Variants in TSC22D1 observed in about 807,000 individuals in gnomAD.
TSC22D1 encodes TSC22 domain family protein 1.
In TSC22D1, 9 loss-of-function variants were observed where a neutral mutation model predicts 74.2. That is an observed-to-expected ratio of 0.12 (90% CI 0.07 to 0.21). The LOEUF is 0.21. Ranked by LOEUF, TSC22D1 falls within the 10% of genes least tolerant of loss-of-function variation. TSC22D1 has a pLI of 1.00. For synonymous variants in TSC22D1, 586 were observed against 492.5 expected (o/e 1.19, Z -2.51); for missense variants, 1,427 against 1,304.7 (o/e 1.09, Z -1.44).
At chr13:44,506,887 T>C (rs1475755140) in intron 1 of TSC22D1, among the ~76,000 whole-genome samples, 1 of 152,116 alleles carries the variant, frequency 6.6e-6, no homozygotes, top group Admixed American at 6.5e-5. Flanking sequence ...GAATCTGAGA[T>C]TTCACAATGG....
intron 1 of TSC22D1, among the ~76,000 whole-genome samples, chr13:44,544,954 A>G (rs1270667365): frequency 6.6e-6 from 1 of 152,208 alleles, no homozygotes; most frequent in African/African-American, 2.4e-5. Context: ...AAAAGATAAA[A>G]GGCAATCATA....
chr13:44,497,480 C>T lies in TSC22D1; in HGVS notation c.2913-61385G>A, dbSNP rs554133444. 2.0e-5 allele frequency among the ~76,000 whole-genome samples: 3 copies of T among 152,112 alleles called. No homozygotes were observed. The East Asian group carries it at 5.8e-4, about 29-fold the overall frequency. On this transcript the variant is annotated intron_variant, in intron 1 of 2. Coordinates refer to ENST00000458659, the MANE Select transcript of TSC22D1 (RefSeq NM_183422.4). ...ACAGTTACACAACACTGTGGATGTA[C>T]CAAATACTATTGAATTATATAGTTC...
intron 1 of TSC22D1, chr13:44,437,277 G>GC: frequency 2.0e-6 from 2 of 985,062 alleles, no homozygotes; most frequent in Non-Finnish European, 2.4e-6. Flanking sequence ...TACTGGGCAT[G>GC]CCCAGTCCCA....
At chr13:44,526,003 G>A (rs1880530843) in intron 1 of TSC22D1, among the ~76,000 whole-genome samples, 1 of 152,184 alleles carries the variant, frequency 6.6e-6, no homozygotes, top group South Asian at 2.1e-4. Flanking sequence ...TCACGAGGCT[G>A]AGGCTGGAGA....
intron 1 of TSC22D1, among the ~76,000 whole-genome samples, chr13:44,461,252 T>C (rs537018313): frequency 1.3e-5 from 2 of 152,344 alleles, no homozygotes; most frequent in East Asian, 1.9e-4. Flanking sequence ...GTAAGTATAA[T>C]AGCTGACCTG....
At chr13:44,492,617 T>C (rs147797025) in intron 1 of TSC22D1, among the ~76,000 whole-genome samples, 230 of 152,214 alleles carry the variant, frequency 1.5e-3, no homozygotes, top group African/African-American at 5.3e-3. Context: ...GTCTGCTTTG[T>C]TTTAAAACGC....
chr13:44,456,257 T>C (rs1355151139), intron 1 of TSC22D1, among the ~76,000 whole-genome samples: 2 of 151,950 alleles, frequency 1.3e-5, no homozygotes, highest in Non-Finnish European at 2.9e-5. Flanking sequence ...CCCGAGCGGG[T>C]TGCTGCTGCT....
chr13:44,532,447 G>GT (rs1880896434), intron 1 of TSC22D1, among the ~76,000 whole-genome samples: 1 of 151,914 alleles, frequency 6.6e-6, no homozygotes, highest in South Asian at 2.1e-4. Context: ...CACACTAACA[G>GT]AAGCTGCAGT....
At chr13:44,509,950 C>CAAAAAAAAAAAAAAAAAAAAAAAAAAA in intron 1 of TSC22D1, among the ~76,000 whole-genome samples, 5 of 51,424 alleles carry the variant, frequency 9.7e-5, no homozygotes, top group African/African-American at 1.5e-4. Context: ...AGAAAATAAG[C>CAAAAAAAAAAAAAAAAAAAAAAAAAAA]AAAAAAAAAA....
intron 1 of TSC22D1, among the ~76,000 whole-genome samples, chr13:44,531,531 T>C (rs1880838336): frequency 1.3e-5 from 2 of 150,302 alleles, no homozygotes; most frequent in Non-Finnish European, 2.9e-5. Context: ...ATTAGGTAAA[T>C]ATACCTGAAG....
chr13:44,527,048 A>G (rs570321772), intron 1 of TSC22D1, among the ~76,000 whole-genome samples: 65 of 152,260 alleles, frequency 4.3e-4, no homozygotes, highest in African/African-American at 1.1e-3. Context: ...TTAAATATTT[A>G]GTGCTGAAAG....
intron 1 of TSC22D1, among the ~76,000 whole-genome samples, chr13:44,484,646 G>C (rs1411910798): frequency 6.6e-6 from 1 of 152,172 alleles, no homozygotes; most frequent in Non-Finnish European, 1.5e-5. Flanking sequence ...AACAATTTAT[G>C]GCCCAACGCA....
At chr13:44,549,000 A>G (rs979435448) in intron 1 of TSC22D1, among the ~76,000 whole-genome samples, 2 of 152,206 alleles carry the variant, frequency 1.3e-5, no homozygotes, top group African/African-American at 4.8e-5. Flanking sequence ...TGACAATAAT[A>G]AACTAGATTC....
Position 44,573,966 on chromosome 13 carries a change from T to C in TSC22D1, c.2109A>G (p.Ala703=). The C allele has an allele frequency of 1.2e-6, 2 of 1,614,098 alleles. No homozygotes were observed. Among genetic ancestry groups the C allele is most frequent in the South Asian group, 1.1e-5 (1 of 91,092 alleles). Residue 703 remains alanine (A), a synonymous_variant, in exon 1 of 3, where the codon GCA becomes GCG. Coordinates refer to ENST00000458659, the MANE Select transcript of TSC22D1 (RefSeq NM_183422.4). ...QLPVQPTAVP[A]QPAGASVQPV... ...GCTGGACAGATGCCCCTGCAGGTTG[T>C]GCTGGGACTGCTGTGGGCTGCACTG...
intron 1 of TSC22D1, among the ~76,000 whole-genome samples, chr13:44,465,932 C>T (rs1473421444): frequency 6.6e-6 from 1 of 152,176 alleles, no homozygotes; most frequent in Non-Finnish European, 1.5e-5. Flanking sequence ...GAGATTGTGC[C>T]ATTGCACTCC....
intron 1 of TSC22D1, among the ~76,000 whole-genome samples, chr13:44,462,794 A>G (rs1332966129): frequency 6.6e-6 from 1 of 152,182 alleles, no homozygotes; most frequent in Non-Finnish European, 1.5e-5. Context: ...AAAATAAGTC[A>G]TAAAACTAGA....
chr13:44,571,310 G>A (rs1213407034), intron 1 of TSC22D1, among the ~76,000 whole-genome samples: 1 of 151,992 alleles, frequency 6.6e-6, no homozygotes, highest in African/African-American at 2.4e-5. Context: ...ATTATTATCT[G>A]GAAAAATTAA....
chr13:44,568,670 C>T (rs1883542594), intron 1 of TSC22D1, among the ~76,000 whole-genome samples: 1 of 152,112 alleles, frequency 6.6e-6, no homozygotes. Context: ...CTCTTTAATC[C>T]TTTAACACTT....
At chr13:44,464,029 G>A (rs1456035084) in intron 1 of TSC22D1, among the ~76,000 whole-genome samples, 5 of 152,138 alleles carry the variant, frequency 3.3e-5, no homozygotes, top group Admixed American at 3.3e-4. Flanking sequence ...TTGGGATGAT[G>A]GAAGCCCTAG....
Sources: allele counts gnomAD v4.1 joint callset (sites outside exome capture counted in the v4.1 genomes callset), GRCh38; gene constraint gnomAD v4.1.1; transcripts MANE v1.5; gene names NCBI Gene and HGNC (gene_info 2026-07-23, HGNC 2026-07-21).